STXBP6: variants seen among roughly 807,000 people sequenced by gnomAD.
STXBP6 encodes syntaxin binding protein 6, also known as syntaxin-binding protein 6.
In STXBP6, 21 loss-of-function variants were observed where a neutral mutation model predicts 26.9. That is an observed-to-expected ratio of 0.78 (90% CI 0.55 to 1.12). The LOEUF (loss-of-function observed/expected upper bound fraction) is 1.12, where lower values mean the gene tolerates loss of function less well. STXBP6 is among the 50% of genes most tolerant of loss of function. The pLI is 0.00. For missense variants in STXBP6, 232 were observed against 257.9 expected, an observed-to-expected ratio of 0.90 and a Z score of 0.69; for synonymous variants, 97 against 92.6, an observed-to-expected ratio of 1.05 and a Z score of -0.27.
At chr14:24,921,674 C>A (rs1262466117) in intron 2 of STXBP6, among the ~76,000 whole-genome samples, 1 of 152,038 alleles carries the variant, frequency 6.6e-6, no homozygotes, top group Non-Finnish European at 1.5e-5. Context: ...ATATCCACAC[C>A]ACAGAGGGAC....
chr14:24,817,223 G>C (rs770709537), intron 5 of STXBP6: 1 of 152,152 alleles, frequency 6.6e-6, no homozygotes, highest in African/African-American at 2.4e-5. Context: ...GGGAAACAGG[G>C]CTACCAGGGC....
intron 2 of STXBP6, among the ~76,000 whole-genome samples, chr14:24,951,486 T>G (rs1387195556): frequency 6.6e-6 from 1 of 152,150 alleles, no homozygotes; most frequent in African/African-American, 2.4e-5. Context: ...GATGATGAGC[T>G]TTTTTTCATG....
At chr14:24,814,088 G>T (rs1433756138) in intron 5 of STXBP6, among the ~76,000 whole-genome samples, 1 of 152,150 alleles carries the variant, frequency 6.6e-6, no homozygotes, top group East Asian at 1.9e-4. Context: ...CCAATAGTCA[G>T]TCAACTGTCA....
Position 24,958,050 on chromosome 14 carries a change from C to T in STXBP6, c.154+16615G>A, listed in dbSNP as rs558871592. Among the ~76,000 whole-genome samples the T allele has an allele frequency of 1.7e-4, 26 of 152,270 alleles. No individual in the cohort carries two copies. In the South Asian group the frequency reaches 5.2e-3, roughly 30 times the overall value. ...GACTTCCAAGCATACACAAAGAACT[C>T]TATCTTTTTAAAACTCATTAGAAAT... On this transcript the variant is annotated intron_variant, in intron 2 of 5. Coordinates refer to ENST00000323944, the MANE Select transcript of STXBP6 (RefSeq NM_001394410.1).
chr14:24,897,991 A>T (rs2071058913), intron 2 of STXBP6, among the ~76,000 whole-genome samples: 1 of 152,224 alleles, frequency 6.6e-6, no homozygotes, highest in Non-Finnish European at 1.5e-5. Flanking sequence ...TCATGTAGAC[A>T]ATGGTTGTTT....
At chr14:24,901,166 GCTT>G in intron 2 of STXBP6, among the ~76,000 whole-genome samples, 1 of 151,400 alleles carries the variant, frequency 6.6e-6, no homozygotes, top group East Asian at 1.9e-4. Context: ...TCTGTTTTTG[GCTT>G]TTTTACCTAC....
intron 2 of STXBP6, among the ~76,000 whole-genome samples, chr14:24,894,340 G>C (rs546100870): frequency 6.6e-6 from 1 of 152,320 alleles, no homozygotes; most frequent in East Asian, 1.9e-4. Flanking sequence ...AAGATATCTA[G>C]GTTGGGGAAA....
intron 2 of STXBP6, among the ~76,000 whole-genome samples, chr14:24,939,594 C>T (rs1010538790): frequency 1.3e-5 from 2 of 151,772 alleles, no homozygotes; most frequent in East Asian, 1.9e-4. Flanking sequence ...TTGTTGAATT[C>T]GTATGTATAC....
At chr14:25,043,435 T>C (rs189003864) in intron 1 of STXBP6, among the ~76,000 whole-genome samples, 2 of 152,328 alleles carry the variant, frequency 1.3e-5, no homozygotes, top group Admixed American at 1.3e-4. Flanking sequence ...AACTACCTTC[T>C]TCCTATTTTA....
intron 2 of STXBP6, among the ~76,000 whole-genome samples, chr14:24,930,904 G>T (rs903179152): frequency 6.7e-6 from 1 of 149,500 alleles, no homozygotes; most frequent in Non-Finnish European, 1.5e-5. Flanking sequence ...GAGGTCAGGA[G>T]ATCGAGACCA....
At chr14:24,929,418 G>A (rs752365636) in intron 2 of STXBP6, among the ~76,000 whole-genome samples, 5 of 152,184 alleles carry the variant, frequency 3.3e-5, no homozygotes, top group Non-Finnish European at 5.9e-5. Context: ...TATACTTATG[G>A]CAATATATAG....
intron 1 of STXBP6, among the ~76,000 whole-genome samples, chr14:25,025,584 T>C (rs1347797650): frequency 6.6e-6 from 1 of 152,222 alleles, no homozygotes; most frequent in Non-Finnish European, 1.5e-5. Flanking sequence ...CAGCCAGTGT[T>C]GCTAGATATG....
intron 4 of STXBP6, among the ~76,000 whole-genome samples, chr14:24,851,209 C>G (rs1302245336): frequency 2.0e-5 from 3 of 149,692 alleles, no homozygotes; most frequent in Non-Finnish European, 4.4e-5. Context: ...TTAATCTATA[C>G]TGACAATCTA....
At chr14:25,043,948 T>A (rs1489797621) in intron 1 of STXBP6, among the ~76,000 whole-genome samples, 2 of 151,956 alleles carry the variant, frequency 1.3e-5, no homozygotes, top group Admixed American at 1.3e-4. Context: ...GGCAGGTGGA[T>A]TGCTTGAGCC....
chr14:24,901,321 T>C (rs2071204140), intron 2 of STXBP6, among the ~76,000 whole-genome samples: 1 of 151,738 alleles, frequency 6.6e-6, no homozygotes, highest in Non-Finnish European at 1.5e-5. Context: ...TGAGTGGATT[T>C]CTACAACATA....
rs555334692 is a variant in STXBP6 at position 24,875,989 on chromosome 14, T to A, written c.155-18832A>T. On this transcript the variant is annotated intron_variant, in intron 2 of 5. Transcript: ENST00000323944. ...TGTGTATTTATTATCATCACAAGTG[T>A]ATAACACCAAACAGAGTGGAGGGGT... 1.4e-4 allele frequency among the ~76,000 whole-genome samples: 22 copies of A among 152,112 alleles called. 2 individuals carry two copies. The South Asian group carries it at 3.7e-3, about 26-fold the overall frequency.
chr14:24,930,667 C>T (rs1208836035), intron 2 of STXBP6, among the ~76,000 whole-genome samples: 1 of 152,112 alleles, frequency 6.6e-6, no homozygotes, highest in Non-Finnish European at 1.5e-5. Context: ...TGAACAAGGG[C>T]TAAAAAGTCT....
intron 1 of STXBP6, among the ~76,000 whole-genome samples, chr14:24,981,060 T>C (rs2074178869): frequency 6.6e-6 from 1 of 152,150 alleles, no homozygotes; most frequent in Non-Finnish European, 1.5e-5. Flanking sequence ...ATTTAATGAA[T>C]TACTTATAAA....
intron 1 of STXBP6, among the ~76,000 whole-genome samples, chr14:25,005,805 A>C (rs957064712): frequency 6.8e-6 from 1 of 146,006 alleles, no homozygotes; most frequent in Non-Finnish European, 1.5e-5. Context: ...TAGGGAAAAA[A>C]CTAAAAAAAA....
Sources: gnomAD v4.1 joint callset for allele counts (sites outside exome capture counted in the v4.1 genomes callset) on GRCh38, gnomAD v4.1.1 for gene constraint, MANE v1.5 for transcripts, NCBI Gene and HGNC (gene_info 2026-07-23, HGNC 2026-07-21) for gene names.